The following LRP1B variants were observed in gnomAD, a reference collection of about 807,000 sequenced individuals.
The protein encoded by LRP1B is low-density lipoprotein receptor-related protein 1B.
In LRP1B, 217 loss-of-function variants were observed where a neutral mutation model predicts 556.6. That is an observed-to-expected ratio of 0.39 (90% CI 0.35 to 0.44). LRP1B has a LOEUF of 0.44. LRP1B is among the 20% of genes least tolerant of loss of function. LRP1B has a pLI of 1.00. For missense variants in LRP1B, 5,053 were observed against 5,620.8 expected (o/e 0.90, Z 3.23); for synonymous variants, 2,047 against 1,865.8 (o/e 1.10, Z -2.50).
intron 7 of LRP1B, among the ~76,000 whole-genome samples, chr2:141,166,343 C>T (rs1250525627): frequency 6.8e-6 from 1 of 147,744 alleles, no homozygotes; most frequent in Non-Finnish European, 1.5e-5. Context: ...GAGGCTTTTT[C>T]TGACTAACAT....
intron 71 of LRP1B, among the ~76,000 whole-genome samples, chr2:140,369,986 A>G (rs1017096334): frequency 2.6e-5 from 4 of 151,976 alleles, no homozygotes; most frequent in African/African-American, 9.7e-5. Context: ...AATATATCTA[A>G]CAAAATGAAA....
intron 21 of LRP1B, among the ~76,000 whole-genome samples, chr2:140,917,199 G>C (rs1444578979): frequency 6.6e-6 from 1 of 152,074 alleles, no homozygotes; most frequent in Admixed American, 6.6e-5. Flanking sequence ...AACACTAAAG[G>C]TGTTCAAGGA....
chr2:141,517,281 C>CACAT (rs1559116852), intron 2 of LRP1B, among the ~76,000 whole-genome samples: 1 of 79,848 alleles, frequency 1.3e-5, no homozygotes, highest in Non-Finnish European at 3.2e-5. Context: ...CAGACACACA[C>CACAT]ACACACACCT....
intron 3 of LRP1B, among the ~76,000 whole-genome samples, chr2:141,283,783 A>G (rs1685598630): frequency 1.3e-5 from 2 of 151,732 alleles, no homozygotes; most frequent in Middle Eastern, 3.4e-3. Context: ...TTTAGTAGAG[A>G]CGTGGTTTCA....
chr2:141,744,696 C>T (rs933300443), intron 2 of LRP1B, among the ~76,000 whole-genome samples: 1 of 152,040 alleles, frequency 6.6e-6, no homozygotes, highest in East Asian at 1.9e-4. Context: ...GACTCTAGTG[C>T]CTTATTTAGT....
At chr2:140,740,425 A>G (rs1688097597) in intron 35 of LRP1B, among the ~76,000 whole-genome samples, 1 of 152,166 alleles carries the variant, frequency 6.6e-6, no homozygotes, top group African/African-American at 2.4e-5. Context: ...GAAAAATCAA[A>G]CATTGTTCTC....
intron 47 of LRP1B, among the ~76,000 whole-genome samples, chr2:140,532,162 T>C (rs1690723493): frequency 6.6e-6 from 1 of 152,096 alleles, no homozygotes; most frequent in African/African-American, 2.4e-5. Flanking sequence ...CTTATTGTCT[T>C]ATCCCCATTC....
chr2:141,963,959 CAGAG>C (rs1235375792), intron 1 of LRP1B, among the ~76,000 whole-genome samples: 1 of 99,150 alleles, frequency 1.0e-5, no homozygotes, highest in African/African-American at 4.2e-5. Context: ...AACAGACAAA[CAGAG>C]AGCCAAATCA....
chr2:140,857,720 G>C (rs1286211375), intron 27 of LRP1B, among the ~76,000 whole-genome samples: 2 of 152,024 alleles, frequency 1.3e-5, no homozygotes, highest in Non-Finnish European at 2.9e-5. Context: ...ATCTTTTACA[G>C]GTATCTCTAC....
intron 2 of LRP1B, among the ~76,000 whole-genome samples, chr2:141,678,486 G>A (rs575026582): frequency 8.0e-4 from 122 of 152,196 alleles, no homozygotes; most frequent in African/African-American, 2.7e-3. Flanking sequence ...AGATGGGCTC[G>A]AAAAGCATTC....
intron 20 of LRP1B, among the ~76,000 whole-genome samples, chr2:140,946,043 A>G (rs1246279805): frequency 6.6e-6 from 1 of 152,234 alleles, no homozygotes; most frequent in Non-Finnish European, 1.5e-5. Context: ...AAGTAGGCCA[A>G]AGACATGAAC....
chr2:140,764,880 C>T (rs1244471377), intron 35 of LRP1B, among the ~76,000 whole-genome samples: 1 of 152,160 alleles, frequency 6.6e-6, no homozygotes, highest in African/African-American at 2.4e-5. Flanking sequence ...CATGTTCCTT[C>T]AGTGTTTTTA....
At chr2:141,561,348 T>C (rs1015408046) in intron 2 of LRP1B, among the ~76,000 whole-genome samples, 1 of 151,830 alleles carries the variant, frequency 6.6e-6, no homozygotes, top group Non-Finnish European at 1.5e-5. Flanking sequence ...TAGATTAATA[T>C]TACAGAGAAA....
rs571813258 is a variant in LRP1B, at chr2:140,433,363, G to T, written c.10414+9141C>A. On this transcript the variant is annotated intron_variant, in intron 66 of 90. Transcript: ENST00000389484. ...TCTGCCCGCCTCAGCCTCCCAAAAT[G>T]CTAGAAGTACAAGCGTGAGCCACTG... Among the ~76,000 whole-genome samples, 5 of 152,286 alleles carry T rather than the reference G, an allele frequency of 3.3e-5. No homozygotes were observed. The South Asian group carries it at 1.0e-3, about 32-fold the overall frequency.
In LRP1B at chr2:140,270,282, T is replaced by A. The variant is rs2104943807; in HGVS notation, c.13207A>T (p.Thr4403Ser). 1.9e-6 allele frequency: 3 copies of A among 1,612,194 alleles called. No homozygotes were observed. The highest frequency in any genetic ancestry group is 2.5e-6 in the Non-Finnish European group (3 of 1,178,720). The change falls in exon 86 of 91, where the codon ACA becomes TCA. Residue 4403 changes from threonine to serine, a missense_variant. Thr to Ser is a moderately conservative substitution (Grantham distance 58, BLOSUM62 1). Around this residue, in one of 5 missense-constraint regions of LRP1B, gnomAD observed 551 missense variants for 592.0 expected, o/e 0.93. Coordinates refer to ENST00000389484, the MANE Select transcript of LRP1B (RefSeq NM_018557.3). Reference sequence around the variant, plus strand: ...TTTGTCTCGGGGTCCAGCTGGCATGTGCCACCATTGTAACAGTAGCCATCA... The same window carrying A: ...TTTGTCTCGGGGTCCAGCTGGCATGAGCCACCATTGTAACAGTAGCCATCA... The part of the protein sequence containing the change: ...LCDGYCYNGG[T>S]CQLDPETNVP...
chr2:141,193,234 A>T (rs1681598857), intron 6 of LRP1B, among the ~76,000 whole-genome samples: 1 of 152,052 alleles, frequency 6.6e-6, no homozygotes, highest in Admixed American at 6.6e-5. Flanking sequence ...ATTACTGTGT[A>T]TATACCCAGA....
At chr2:140,622,718 G>T (rs544908735) in intron 41 of LRP1B, among the ~76,000 whole-genome samples, 1 of 152,172 alleles carries the variant, frequency 6.6e-6, no homozygotes, top group African/African-American at 2.4e-5. Context: ...AGACAATAAC[G>T]AGGGGTAATA....
intron 2 of LRP1B, among the ~76,000 whole-genome samples, chr2:141,766,142 G>C (rs541148060): frequency 6.6e-6 from 1 of 152,276 alleles, no homozygotes; most frequent in South Asian, 2.1e-4. Context: ...GAATAGAAAG[G>C]ATTGTCAAGA....
chr2:140,539,469 A>C (rs187834219), intron 45 of LRP1B, among the ~76,000 whole-genome samples: 3 of 152,176 alleles, frequency 2.0e-5, no homozygotes, highest in Non-Finnish European at 2.9e-5. Flanking sequence ...TGTGAATACA[A>C]TTGTGCTTGT....
Sources: gnomAD v4.1 joint callset for allele counts (sites outside exome capture counted in the v4.1 genomes callset) on GRCh38, gnomAD v4.1.1 for gene constraint, gnomAD v4.1.1 regional missense constraint, MANE v1.5 for transcripts, NCBI Gene and HGNC (gene_info 2026-07-23, HGNC 2026-07-21) for gene names.